FGF1: variants seen among roughly 807,000 people sequenced by gnomAD.
FGF1 encodes the protein beta-endothelial cell growth factor.
FGF1 carries 9 observed loss-of-function variants against 13.4 expected under a neutral mutation model. The observed-to-expected ratio is 0.67, with a 90% CI of 0.40 to 1.17. The LOEUF (loss-of-function observed/expected upper bound fraction) is 1.17, where lower values mean the gene tolerates loss of function less well. Among genes scored for constraint, FGF1 ranks in the 50% most tolerant of loss-of-function variants. The pLI is 0.01. For missense variants in FGF1, 156 were observed against 192.7 expected (o/e 0.81, Z 1.13); for synonymous variants, 93 against 79.0 (o/e 1.18, Z -0.94).
chr5:142,690,989 G>A (rs1752118390), upstream of FGF1, among the ~76,000 whole-genome samples: 1 of 152,138 alleles, frequency 6.6e-6, no homozygotes, highest in Non-Finnish European at 1.5e-5. Flanking sequence ...GCTCTTTCCT[G>A]TTATTCTTGT....
intron 2 of FGF1, among the ~76,000 whole-genome samples, chr5:142,695,210 T>C (rs1328169465): frequency 6.6e-6 from 1 of 152,198 alleles, no homozygotes; most frequent in Non-Finnish European, 1.5e-5. Context: ...TTACCTGAGA[T>C]GATGCCTGTA....
At chr5:142,614,969 T>G (rs1022783406) in intron 1 of FGF1, among the ~76,000 whole-genome samples, 3 of 152,048 alleles carry the variant, frequency 2.0e-5, no homozygotes, top group Admixed American at 2.0e-4. Flanking sequence ...TAATGTGAGA[T>G]AGAACACAGA....
rs73279654 is a variant in FGF1 at position 142,640,493 on chromosome 5, T to C, written c.-34-26332A>G. On this transcript the variant is annotated intron_variant, in intron 1 of 3. Transcript: ENST00000337706. ...CCTTTGCCAGGTGGGGTCAGGGTTG[T>C]GCACAGAGCCACATGCACCTAAGCC... Among the ~76,000 whole-genome samples, 154 of 150,900 alleles carry C rather than the reference T, an allele frequency of 1.0e-3. 2 individuals carry two copies. The highest frequency in any genetic ancestry group is 3.7e-3 in the African/African-American group (151 of 40,882).
upstream of FGF1, among the ~76,000 whole-genome samples, chr5:142,688,676 A>G (rs1287270279): frequency 6.6e-6 from 1 of 152,244 alleles, no homozygotes; most frequent in Non-Finnish European, 1.5e-5. Context: ...TCCCTGGAGA[A>G]AGGAAGAAAA....
At chr5:142,682,355 A>G (rs943878171) in intron 1 of FGF1, among the ~76,000 whole-genome samples, 4 of 152,200 alleles carry the variant, frequency 2.6e-5, no homozygotes, top group Non-Finnish European at 5.9e-5. Context: ...AAGTGCTGGG[A>G]TTACAGGCAT....
chr5:142,637,667 C>G (rs1225617945), intron 1 of FGF1, among the ~76,000 whole-genome samples: 1 of 152,026 alleles, frequency 6.6e-6, no homozygotes, highest in African/African-American at 2.4e-5. Flanking sequence ...CCAGAGCTCC[C>G]TCATTGCCTG....
At chr5:142,611,551 G>A (rs1021641438) in intron 2 of FGF1, among the ~76,000 whole-genome samples, 1 of 152,212 alleles carries the variant, frequency 6.6e-6, no homozygotes. Flanking sequence ...TGGCAAGAAC[G>A]TTAATTGTCC....
At chr5:142,626,251 C>T (rs1278896540) in intron 1 of FGF1, among the ~76,000 whole-genome samples, 2 of 152,136 alleles carry the variant, frequency 1.3e-5, no homozygotes, top group African/African-American at 4.8e-5. Flanking sequence ...CCCCAACATT[C>T]CAAAGTTTAA....
intron 1 of FGF1, among the ~76,000 whole-genome samples, chr5:142,650,648 C>G (rs555368817): frequency 2.6e-4 from 39 of 151,944 alleles, no homozygotes; most frequent in African/African-American, 9.4e-4. Context: ...AATGCATATA[C>G]ACTTTATATG....
At chr5:142,613,439 G>A (rs145728995) in intron 2 of FGF1, among the ~76,000 whole-genome samples, 21 of 152,368 alleles carry the variant, frequency 1.4e-4, no homozygotes, top group Middle Eastern at 3.4e-3. Context: ...CCACATCTGC[G>A]TGATACGCAG....
chr5:142,668,353 G>A (rs1298471912), intron 1 of FGF1, among the ~76,000 whole-genome samples: 1 of 152,232 alleles, frequency 6.6e-6, no homozygotes, highest in African/African-American at 2.4e-5. Context: ...CTAGGTAAAA[G>A]GTGTAGGAGA....
At chr5:142,600,514 G>A (rs1756281969) in intron 3 of FGF1, among the ~76,000 whole-genome samples, 188 bp downstream of exon 3, 1 of 152,212 alleles carries the variant, frequency 6.6e-6, no homozygotes, top group Non-Finnish European at 1.5e-5. Flanking sequence ...AGAGTTTTGA[G>A]AGAATACTAC....
In FGF1 at chr5:142,612,148, C is replaced by T. The variant is rs930041013; in HGVS notation, c.169+1811G>A. On this transcript the variant is annotated intron_variant, in intron 2 of 3. Transcript: ENST00000337706. ...GAAATCCTCACCTGCACTCCCAGGG[C>T]TACGTTGTGCTGCTTTCTAGGGGCT... 3.3e-5 allele frequency among the ~76,000 whole-genome samples: 5 copies of T among 152,330 alleles called. No homozygotes were observed. In the South Asian group the frequency reaches 6.2e-4, roughly 19 times the overall value.
At chr5:142,667,546 A>G (rs1183147214) in intron 1 of FGF1, among the ~76,000 whole-genome samples, 1 of 150,574 alleles carries the variant, frequency 6.6e-6, no homozygotes, top group Non-Finnish European at 1.5e-5. Flanking sequence ...AGATCGGGCC[A>G]CTGCACTCCA....
intron 1 of FGF1, among the ~76,000 whole-genome samples, chr5:142,649,499 C>G (rs529073446): frequency 1.3e-5 from 2 of 152,054 alleles, no homozygotes; most frequent in African/African-American, 4.8e-5. Context: ...CTCTGCCTCC[C>G]GGGTTCACGC....
At chr5:142,692,628 A>T (rs146650119) in intron 2 of FGF1, among the ~76,000 whole-genome samples, 1 of 149,878 alleles carries the variant, frequency 6.7e-6, no homozygotes, top group East Asian at 1.9e-4. Context: ...CCTCTTGAAA[A>T]TCTTGACAAG....
intron 1 of FGF1, among the ~76,000 whole-genome samples, chr5:142,650,295 C>T (rs535085282): frequency 6.6e-6 from 1 of 152,232 alleles, no homozygotes; most frequent in South Asian, 2.1e-4. Context: ...GAGAGGGAAT[C>T]CATGACATTT....
At chr5:142,652,003 A>G (rs1767354082) in intron 1 of FGF1, among the ~76,000 whole-genome samples, 1 of 152,150 alleles carries the variant, frequency 6.6e-6, no homozygotes. Context: ...GCTCTATTAA[A>G]TGCCTCTTTC....
At chr5:142,669,437 A>C (rs997425557) in intron 1 of FGF1, among the ~76,000 whole-genome samples, 7 of 152,230 alleles carry the variant, frequency 4.6e-5, no homozygotes, top group Non-Finnish European at 1.0e-4. Context: ...ATGGCTGTTG[A>C]ATTGAAATAG....
Sources: gnomAD v4.1 joint callset for allele counts (sites outside exome capture counted in the v4.1 genomes callset) on GRCh38, gnomAD v4.1.1 for gene constraint, MANE v1.5 for transcripts, NCBI Gene and HGNC (gene_info 2026-07-23, HGNC 2026-07-21) for gene names.